Variants in SERAC1 observed in about 807,000 individuals in gnomAD.
SERAC1 encodes the protein protein SERAC1.
A neutral mutation model predicts 85.7 loss-of-function variants in SERAC1; 36 were observed. The ratio of observed to expected loss-of-function variants is 0.42; its 90% CI spans 0.32 to 0.55. The LOEUF is 0.55. Among genes scored for constraint, SERAC1 ranks in the 20% least tolerant of loss-of-function variants. The probability of loss-of-function intolerance (pLI) is 0.11; values close to 1 mark genes in which losing one functional copy is unlikely to be tolerated. For synonymous variants in SERAC1, 242 were observed against 265.3 expected (o/e 0.91, Z 0.85); for missense variants, 629 against 796.2 (o/e 0.79, Z 2.53).
At chr6:158,129,687 T>G (rs567095254) in intron 9 of SERAC1, among the ~76,000 whole-genome samples, 3 of 137,712 alleles carry the variant, frequency 2.2e-5, no homozygotes, top group East Asian at 2.2e-4. Context: ...TATTTCCTTG[T>G]TTTTTTTTGT....
chr6:158,146,986 A>G, intron 5 of SERAC1, 73 bp from the exon 6 acceptor site: 1 of 1,469,142 alleles, frequency 6.8e-7, no homozygotes, highest in Middle Eastern at 2.0e-4. Flanking sequence ...TAAGATGGTA[A>G]TTTATAAACA....
intron 9 of SERAC1, among the ~76,000 whole-genome samples, chr6:158,129,547 G>A (rs1236384296): frequency 1.3e-5 from 2 of 152,154 alleles, no homozygotes; most frequent in East Asian, 3.8e-4. Context: ...TCTGCACTAT[G>A]AGCACTACAA....
chr6:158,133,628 G>A lies in SERAC1; in HGVS notation c.739-3142C>T, dbSNP rs144352672. Among the ~76,000 whole-genome samples, 600 of 152,016 alleles carry A rather than the reference G, an allele frequency of 3.9e-3. 6 individuals carry two copies. Among genetic ancestry groups the A allele is most frequent in the African/African-American group, 0.014 (568 of 41,460 alleles). On this transcript the variant is annotated intron_variant, in intron 8 of 16. Coordinates refer to ENST00000647468, the MANE Select transcript of SERAC1 (RefSeq NM_032861.4). The stretch of plus-strand genomic sequence containing the variant: ...TCTCGATCTCCTGACCTCGTGATCC[G>A]CCCGCCTCGGCCTCCCAAAGTGCTG...
At chr6:158,123,676 A>T (rs988161631) in intron 10 of SERAC1, among the ~76,000 whole-genome samples, 1 of 152,240 alleles carries the variant, frequency 6.6e-6, no homozygotes, top group Admixed American at 6.5e-5. Flanking sequence ...ACAGAGTAGT[A>T]AGCAGGCAGT....
At chr6:158,157,534 C>G (rs1785382874) in intron 2 of SERAC1, among the ~76,000 whole-genome samples, 1 of 152,134 alleles carries the variant, frequency 6.6e-6, no homozygotes, top group Admixed American at 6.5e-5. Flanking sequence ...TAGAATTGTA[C>G]CTGGCACACA....
At position 158,148,097 on chromosome 6, in the gene SERAC1, A is replaced by G. The variant is rs184969733; in HGVS notation, c.355+768T>C. Among the ~76,000 whole-genome samples, 318 of 152,314 alleles carry G rather than the reference A, an allele frequency of 2.1e-3. 1 individual carries two copies. The highest frequency in any genetic ancestry group is 6.8e-3 in the African/African-American group (284 of 41,580). ...CCAATTTTTCAAAAAAATATATTTA[A>G]AGCTGTTTTTTAAAACCAAGATTTA... is the stretch of plus-strand genomic sequence containing the variant. On this transcript the variant is annotated intron_variant, in intron 5 of 16. Coordinates refer to ENST00000647468, the MANE Select transcript of SERAC1 (RefSeq NM_032861.4).
At chr6:158,116,070 G>T in intron 14 of SERAC1, 115 bp downstream of exon 14, 1 of 745,712 alleles carries the variant, frequency 1.3e-6, no homozygotes. Context: ...ATTTAGCAGG[G>T]GGGGTAAGGG....
Position 158,143,983 on chromosome 6 carries a change from T to G in SERAC1, c.609+316A>C, listed in dbSNP as rs143309945. Among the ~76,000 whole-genome samples, 244 of 152,218 alleles carry G rather than the reference T, an allele frequency of 1.6e-3. 1 individual carries two copies. The highest frequency in any genetic ancestry group is 5.6e-3 in the African/African-American group (233 of 41,520). Reference sequence around the variant, plus strand: ...ATTATCTGGCCCAAAATGTCAATAGTGTTGAGGCTGAGAAAACCTGACCTA... The same window carrying G: ...ATTATCTGGCCCAAAATGTCAATAGGGTTGAGGCTGAGAAAACCTGACCTA... On this transcript the variant is annotated intron_variant, in intron 7 of 16. Coordinates refer to ENST00000647468, the MANE Select transcript of SERAC1 (RefSeq NM_032861.4).
chr6:158,155,185 G>C, intron 3 of SERAC1, 130 bp downstream of exon 3: 1 of 616,166 alleles, frequency 1.6e-6, no homozygotes, highest in Non-Finnish European at 2.9e-6. Context: ...TGGGATCAGT[G>C]ATTAAATCCA....
chr6:158,120,676 T>C lies in SERAC1; in HGVS notation c.1016-101A>G, dbSNP rs960110603. 3 of 1,282,946 alleles carry C rather than the reference T, an allele frequency of 2.3e-6. No individual in the cohort carries two copies. Among genetic ancestry groups the C allele is most frequent in the Non-Finnish European group, 2.1e-6 (2 of 940,304 alleles). The allele number at this position is 1,282,946 out of a possible 1,614,324, so 79.5% of individuals were successfully genotyped here. A position where few individuals can be genotyped will look rare whatever the true frequency, so the allele number is the denominator to read the frequency against. On this transcript the variant is annotated intron_variant, in intron 10 of 16. Coordinates refer to ENST00000647468, the MANE Select transcript of SERAC1 (RefSeq NM_032861.4). The surrounding 1 kb of genome is among the most constrained non-coding windows in gnomAD (Gnocchi z 4.4). ...GAATATGATGGGAGAAAGGCAAACCTTGCGTGTCTGTCCTTGGCGGAGAAG... is the reference window on the plus strand; with the variant it reads ...GAATATGATGGGAGAAAGGCAAACCCTGCGTGTCTGTCCTTGGCGGAGAAG...
rs573016127 is a variant in SERAC1 at position 158,117,839 on chromosome 6, T to C, written c.1309-18A>G. On this transcript the variant is annotated intron_variant, in intron 12 of 16. Transcript: ENST00000647468. The surrounding 1 kb of genome is among the most constrained non-coding windows in gnomAD (Gnocchi z 4.3). ...AACCATGTCTAAGTAAAATAAAACA[T>C]ATGTGAGAACAAGTATGAATCTTCA... 96 of 1,590,850 alleles carry C rather than the reference T, an allele frequency of 6.0e-5. 1 individual carries two copies. The South Asian group carries it at 1.0e-3, about 17-fold the overall frequency.
chr6:158,113,594 T>A lies in SERAC1; in HGVS notation c.1685-2A>T, dbSNP rs1411337598. On this transcript the variant is annotated splice_acceptor_variant, in intron 15 of 16. Coordinates refer to ENST00000647468, the MANE Select transcript of SERAC1 (RefSeq NM_032861.4). LOFTEE classifies it high-confidence loss of function. ...GTAGTGTTTTAAGTGCAGGAGAATC[T>A]GTAAAATTATACAGAACAAGACTGT... 1 of 1,612,170 alleles carries A rather than the reference T, an allele frequency of 6.2e-7. No homozygotes were observed. Among genetic ancestry groups the A allele is most frequent in the African/African-American group, 1.3e-5 (1 of 74,884 alleles).
At position 158,120,327 on chromosome 6, in the gene SERAC1, T is replaced by G; in HGVS notation, c.1166+98A>C. The G allele has an allele frequency of 8.2e-7, 1 of 1,216,632 alleles. No individual in the cohort carries two copies. The highest frequency in any genetic ancestry group is 1.1e-6 in the Non-Finnish European group (1 of 886,986). 75.4% of individuals were successfully genotyped at this position (1,216,632 alleles called of 1,614,324 possible). A position where few individuals can be genotyped will look rare whatever the true frequency, so the allele number is the denominator to read the frequency against. On this transcript the variant is annotated intron_variant, in intron 11 of 16. Coordinates refer to ENST00000647468, the MANE Select transcript of SERAC1 (RefSeq NM_032861.4). This position sits in a 1 kb window ranked among gnomAD's most constrained non-coding sequence, Gnocchi z 4.4. Reference sequence around the variant, plus strand: ...ATAAGATATTTGACTTATAAGTTATTTAACTTATCTGAATTATGCAGAAAT... The same window carrying G: ...ATAAGATATTTGACTTATAAGTTATGTAACTTATCTGAATTATGCAGAAAT...
Position 158,118,886 on chromosome 6 carries a change from A to T in SERAC1, c.1308+143T>A, listed in dbSNP as rs150722979. 1.7e-3 allele frequency: 1,665 copies of T among 998,982 alleles called. 23 individuals carry two copies. The African/African-American group carries it at 0.024, about 15-fold the overall frequency. The allele number at this position is 998,982 out of a possible 1,614,324, so 61.9% of individuals were successfully genotyped here. On this transcript the variant is annotated intron_variant, in intron 12 of 16. Coordinates refer to ENST00000647468, the MANE Select transcript of SERAC1 (RefSeq NM_032861.4). ...AGGGTGACAAGCCCAGTTGTTGTCA[A>T]AACATACTACAAATCTCCCTAAGGG...
intron 1 of SERAC1, among the ~76,000 whole-genome samples, chr6:158,165,419 T>A (rs2128426599): frequency 6.6e-6 from 1 of 152,264 alleles, no homozygotes; most frequent in East Asian, 1.9e-4. Context: ...CCTACCAAAG[T>A]GCTGGGATTA....
intron 10 of SERAC1, among the ~76,000 whole-genome samples, chr6:158,126,000 C>T (rs1011060533): frequency 2.6e-5 from 4 of 152,096 alleles, no homozygotes; most frequent in Non-Finnish European, 4.4e-5. Flanking sequence ...AAGCAAAGAG[C>T]AAGATGACCA....
intron 14 of SERAC1, 123 bp from the exon 15 acceptor site, chr6:158,115,094 G>A (rs1784253668): frequency 8.5e-6 from 9 of 1,060,092 alleles, no homozygotes; most frequent in Non-Finnish European, 1.2e-5. Context: ...AAAAAAAATG[G>A]TTTAAACAAT....
At chr6:158,141,649 C>T (rs900873642) in intron 8 of SERAC1, among the ~76,000 whole-genome samples, 7 of 152,096 alleles carry the variant, frequency 4.6e-5, no homozygotes, top group South Asian at 2.1e-4. Context: ...CTTGGAGAAG[C>T]GGCCAAATCT....
chr6:158,136,066 T>C (rs536717092), intron 8 of SERAC1, among the ~76,000 whole-genome samples: 1 of 152,292 alleles, frequency 6.6e-6, no homozygotes, highest in African/African-American at 2.4e-5. Flanking sequence ...TGCCTCGGTG[T>C]CCCAAAGTGC....
Sources: gnomAD v4.1 joint callset for allele counts (sites outside exome capture counted in the v4.1 genomes callset) on GRCh38, gnomAD v4.1.1 for gene constraint, Gnocchi (gnomAD v3.1) non-coding constraint, MANE v1.5 for transcripts, NCBI Gene and HGNC (gene_info 2026-07-23, HGNC 2026-07-21) for gene names.